PHF3: variants seen among roughly 807,000 people sequenced by gnomAD.
The protein encoded by PHF3 is PHD finger protein 3.
PHF3 carries 41 observed loss-of-function variants against 178.4 expected under a neutral mutation model. The observed-to-expected ratio is 0.23, with a 90% CI of 0.18 to 0.30. The LOEUF (loss-of-function observed/expected upper bound fraction) is 0.30. Among genes scored for constraint, PHF3 ranks in the 10% least tolerant of loss-of-function variants. The probability of loss-of-function intolerance (pLI) is 1.00; values close to 1 mark genes in which losing one functional copy is unlikely to be tolerated. For synonymous variants in PHF3, 842 were observed against 800.5 expected (o/e 1.05, Z -0.88); for missense variants, 2,346 against 2,398.1 (o/e 0.98, Z 0.45).
rs1768249060 is a variant in PHF3 at position 63,718,272 on chromosome 6, A to T, written c.*4564A>T. On this transcript the variant is annotated 3_prime_UTR_variant, in exon 16 of 16. Transcript: ENST00000262043. The stretch of plus-strand genomic sequence containing the variant: ...TGTGGAGATTACAGGTAGAAAAGTT[A>T]TAAAATCTGAACGTAAAATTGCAAC... 6.6e-6 allele frequency among the ~76,000 whole-genome samples: 1 copy of T among 152,038 alleles called. No homozygotes were observed. Among genetic ancestry groups the T allele is most frequent in the African/African-American group, 2.4e-5 (1 of 41,442 alleles).
At chr6:63,694,348 A>T (rs949457963) in intron 5 of PHF3, among the ~76,000 whole-genome samples, 1 of 152,142 alleles carries the variant, frequency 6.6e-6, no homozygotes, top group Non-Finnish European at 1.5e-5. Context: ...GAGAATTCTT[A>T]CTACCTTATT....
At chr6:63,636,365 G>A (rs866495114) in intron 1 of PHF3, 1 of 156,356 alleles carries the variant, frequency 6.4e-6, no homozygotes, top group South Asian at 2.1e-4. Context: ...GGACCATTTG[G>A]ACCGCGGGCT....
chr6:63,704,186 G>T (rs148847616), intron 11 of PHF3, among the ~76,000 whole-genome samples: 1 of 152,054 alleles, frequency 6.6e-6, no homozygotes, highest in South Asian at 2.1e-4. Context: ...TCCACTGTTA[G>T]CAACATCCCA....
chr6:63,645,345 C>A (rs1420971627), intron 1 of PHF3, among the ~76,000 whole-genome samples: 2 of 152,108 alleles, frequency 1.3e-5, no homozygotes, highest in Non-Finnish European at 2.9e-5. Context: ...TATTCAAGTG[C>A]ATTTTTTTAA....
rs1766649601 is a variant in PHF3, at chr6:63,685,479, T to C, written c.1757T>C (p.Val586Ala). 1 of 1,614,028 alleles carries C rather than the reference T, an allele frequency of 6.2e-7. No homozygotes were observed. The highest frequency in any genetic ancestry group is 8.5e-7 in the Non-Finnish European group (1 of 1,180,008). The change falls in exon 4 of 16, where the codon GTA (valine) becomes GCA (alanine). Residue 586 changes from valine to alanine, a missense_variant. This residue lies in a region of PHF3 where 843 missense variants were observed against 795.2 expected (regional missense o/e 1.06). Coordinates refer to ENST00000262043, the MANE Select transcript of PHF3 (RefSeq NM_001370348.2). ...AAAACATTACAGGATCAAACTTTAG[T>C]ACAAATTTTCAAGCCCTTAACTCAT... ...LKKTLQDQTLVQIFKPLTHSL... is the reference protein window; with the variant it reads ...LKKTLQDQTLAQIFKPLTHSL...
In PHF3 at chr6:63,711,958, T is replaced by C. The variant is rs571291050; in HGVS notation, c.4370T>C (p.Leu1457Pro). ...LIGWENQPTTLELANKPLPVD... is the reference protein window; with the variant it reads ...LIGWENQPTTPELANKPLPVD... ...GGCTGGGAGAATCAACCTACTACTC[T>C]GGAATTAGCAAATAAACCTCTTCCT... The change falls in exon 16 of 16, where the codon CTG becomes CCG. Residue 1457 changes from leucine (L) to proline (P), a missense_variant. This residue lies in a region of PHF3 where 839 missense variants were observed against 806.9 expected (regional missense o/e 1.04). Coordinates refer to ENST00000262043, the MANE Select transcript of PHF3 (RefSeq NM_001370348.2). 4 of 1,613,730 alleles carry C rather than the reference T, an allele frequency of 2.5e-6. No individual in the cohort carries two copies. In the East Asian group the frequency reaches 8.9e-5, roughly 36 times the overall value.
Position 63,698,387 on chromosome 6 carries a change from T to C in PHF3, c.2825+20T>C, listed in dbSNP as rs1392214358. 2 of 1,591,384 alleles carry C rather than the reference T, an allele frequency of 1.3e-6. No homozygotes were observed. The highest frequency in any genetic ancestry group is 3.4e-5 in the Admixed American group (2 of 58,262). ...GAAGAGGTAACATATATTTTTATTA[T>C]AGAAGTATCAATAATTATGCTTTAT... On this transcript the variant is annotated intron_variant, in intron 7 of 15. Transcript: ENST00000262043.
At chr6:63,667,396 C>T (rs767209491) in intron 2 of PHF3, among the ~76,000 whole-genome samples, 13 of 152,152 alleles carry the variant, frequency 8.5e-5, no homozygotes, top group Non-Finnish European at 1.3e-4. Flanking sequence ...AGTATACTCA[C>T]ATTTAGTCAT....
intron 4 of PHF3, among the ~76,000 whole-genome samples, chr6:63,689,535 C>G (rs988645948): frequency 6.6e-6 from 1 of 152,122 alleles, no homozygotes; most frequent in Admixed American, 6.5e-5. Context: ...ATTCTCTGAT[C>G]TTAGAAGAGT....
chr6:63,712,369 A>G lies in PHF3; in HGVS notation c.4781A>G (p.Lys1594Arg). 6.2e-7 allele frequency: 1 copy of G among 1,613,902 alleles called. No homozygotes were observed. The highest frequency in any genetic ancestry group is 1.1e-5 in the South Asian group (1 of 91,068). ...ETVESKEKTLKRQLQEDQENN... is the reference protein window; with the variant it reads ...ETVESKEKTLRRQLQEDQENN... ...GTGGAGAGTAAAGAGAAAACATTAA[A>G]AAGACAGCTTCAGGAAGATCAAGAG... is the stretch of plus-strand genomic sequence containing the variant. The change falls in exon 16 of 16, where the codon AAA becomes AGA. Residue 1594 changes from lysine (K) to arginine (R), a missense_variant. By Grantham distance (26) the Lys-to-Arg change is conservative. Around this residue, in one of 8 missense-constraint regions of PHF3, gnomAD observed 839 missense variants for 806.9 expected, o/e 1.04. Transcript: ENST00000262043.
At chr6:63,649,301 A>G (rs1480251805) in intron 2 of PHF3, among the ~76,000 whole-genome samples, 3 of 152,102 alleles carry the variant, frequency 2.0e-5, no homozygotes, top group African/African-American at 4.8e-5. Flanking sequence ...ACTTTCAGCT[A>G]TTTATAAATA....
At chr6:63,637,596 C>T (rs548690937) in intron 1 of PHF3, among the ~76,000 whole-genome samples, 68 of 152,170 alleles carry the variant, frequency 4.5e-4, no homozygotes, top group Non-Finnish European at 8.1e-4. Context: ...TCTCTTCATT[C>T]ATCTGTTTAC....
chr6:63,666,377 T>G (rs926856879), intron 2 of PHF3, among the ~76,000 whole-genome samples: 5 of 151,974 alleles, frequency 3.3e-5, no homozygotes, highest in African/African-American at 9.7e-5. Flanking sequence ...GTATATATAT[T>G]TACATATATA....
chr6:63,678,800 G>T (rs1488189956), intron 2 of PHF3: 1 of 446,502 alleles, frequency 2.2e-6, no homozygotes, highest in East Asian at 7.1e-5. Flanking sequence ...GTAAACTTAT[G>T]AAGAATTTTG....
chr6:63,670,000 T>C (rs1466617133), intron 2 of PHF3, among the ~76,000 whole-genome samples: 1 of 152,172 alleles, frequency 6.6e-6, no homozygotes, highest in Non-Finnish European at 1.5e-5. Flanking sequence ...AAGGTTCATA[T>C]CTTTAATCTC....
chr6:63,720,806 GT>G lies in PHF3; in HGVS notation c.*7103del, dbSNP rs1768349624. 6.4e-7 allele frequency: 1 copy of G among 1,550,906 alleles called. No homozygotes were observed. The highest frequency in any genetic ancestry group is 8.7e-7 in the Non-Finnish European group (1 of 1,146,458). ...TGCCATCATAGTTTAGAGCCACAAA[GT>G]TTTTATGTGGATCAATATCCTCGGA... On this transcript the variant is annotated 3_prime_UTR_variant, in exon 16 of 16. Transcript: ENST00000262043.
chr6:63,641,334 C>T (rs1764562258), intron 1 of PHF3, among the ~76,000 whole-genome samples: 1 of 152,132 alleles, frequency 6.6e-6, no homozygotes. Flanking sequence ...TCCCCCATCA[C>T]CACCACCATC....
rs779903617 is a variant in PHF3 at position 63,684,214 on chromosome 6, G to A, written c.492G>A (p.Lys164=). ...PLSNTKKASG[K]TVSTAKAGVK... is the part of the protein sequence containing the mutation. ...GTAACACAAAAAAAGCATCTGGGAAGACTGTATCTACTGCTAAAGCAGGAG... is the reference window on the plus strand; with the variant it reads ...GTAACACAAAAAAAGCATCTGGGAAAACTGTATCTACTGCTAAAGCAGGAG... The change falls in exon 4 of 16, where the codon AAG becomes AAA. Residue 164 remains lysine (K), a synonymous_variant. Transcript: ENST00000262043. 6.2e-7 allele frequency: 1 copy of A among 1,614,026 alleles called. No individual in the cohort carries two copies. The highest frequency in any genetic ancestry group is 1.7e-5 in the Admixed American group (1 of 60,016).
At chr6:63,638,184 T>G (rs1287178896) in intron 1 of PHF3, among the ~76,000 whole-genome samples, 1 of 152,146 alleles carries the variant, frequency 6.6e-6, no homozygotes, top group Non-Finnish European at 1.5e-5. Context: ...AAATTTAAAT[T>G]TTATTGAGTA....
Sources: gnomAD v4.1 joint callset for allele counts (sites outside exome capture counted in the v4.1 genomes callset) on GRCh38, gnomAD v4.1.1 for gene constraint, gnomAD v4.1.1 regional missense constraint, MANE v1.5 for transcripts, NCBI Gene and HGNC (gene_info 2026-07-23, HGNC 2026-07-21) for gene names.